ALPK2: variants seen among roughly 807,000 people sequenced by gnomAD.
ALPK2 encodes the protein alpha kinase 2, also known as alpha-protein kinase 2.
ALPK2 carries 127 observed loss-of-function variants against 163.1 expected under a neutral mutation model. That is an observed-to-expected ratio of 0.78 (90% CI 0.67 to 0.90). ALPK2 has a LOEUF of 0.90. ALPK2 is among the 40% of genes least tolerant of loss of function. The probability of loss-of-function intolerance (pLI) is 0.00; values close to 1 mark genes in which losing one functional copy is unlikely to be tolerated. For synonymous variants in ALPK2, 953 were observed against 959.1 expected, an observed-to-expected ratio of 0.99 and a Z score of 0.12; for missense variants, 2,360 against 2,589.6, an observed-to-expected ratio of 0.91 and a Z score of 1.92.
chr18:58,514,745 T>C (rs762913630), intron 10 of ALPK2, among the ~76,000 whole-genome samples: 2 of 151,342 alleles, frequency 1.3e-5, no homozygotes, highest in Non-Finnish European at 2.9e-5. Flanking sequence ...CATACACCCA[T>C]CCATCCATCC....
chr18:58,560,415 C>T (rs1274646441), intron 4 of ALPK2, among the ~76,000 whole-genome samples: 1 of 152,160 alleles, frequency 6.6e-6, no homozygotes, highest in Non-Finnish European at 1.5e-5. Context: ...GGAGAGAATC[C>T]CCTCTGTCCA....
At chr18:58,522,290 C>T (rs2051558990) in intron 8 of ALPK2, among the ~76,000 whole-genome samples, 1 of 152,152 alleles carries the variant, frequency 6.6e-6, no homozygotes, top group African/African-American at 2.4e-5. Context: ...AGAGTGGCCA[C>T]ACTGAGAGTA....
chr18:58,618,150 A>G (rs566372968), intron 1 of ALPK2, among the ~76,000 whole-genome samples: 2 of 152,204 alleles, frequency 1.3e-5, no homozygotes, highest in African/African-American at 4.8e-5. Flanking sequence ...GGTTCAAGTG[A>G]CTCTCCTGCC....
chr18:58,525,164 T>G (rs2051577994), intron 6 of ALPK2, among the ~76,000 whole-genome samples: 3 of 152,202 alleles, frequency 2.0e-5, no homozygotes, highest in Admixed American at 6.5e-5. Context: ...TGTTCATTAT[T>G]GGTTGGTTTT....
At chr18:58,624,881 C>A (rs1307924577) in intron 1 of ALPK2, among the ~76,000 whole-genome samples, 1 of 152,180 alleles carries the variant, frequency 6.6e-6, no homozygotes, top group Admixed American at 6.5e-5. Flanking sequence ...AATCAAGTTA[C>A]CGACAGAAGT....
chr18:58,558,545 C>T (rs1026360686), intron 4 of ALPK2, among the ~76,000 whole-genome samples: 1 of 152,196 alleles, frequency 6.6e-6, no homozygotes, highest in Non-Finnish European at 1.5e-5. Flanking sequence ...GGTTACACAT[C>T]GAGTTACCCA....
Position 58,586,540 on chromosome 18 carries a change from C to T in ALPK2, c.228-5992G>A, listed in dbSNP as rs1000639284. On this transcript the variant is annotated intron_variant, in intron 3 of 12. Transcript: ENST00000361673. ...CCAGCTCCACAGTAGTCTTGAAAAC[C>T]AAGACTCCACAACCACAGTGAAAAC... 2.0e-5 allele frequency among the ~76,000 whole-genome samples: 3 copies of T among 152,190 alleles called. No homozygotes were observed. In the East Asian group the frequency reaches 5.8e-4, roughly 29 times the overall value.
At chr18:58,611,884 C>T (rs1215733482) in intron 1 of ALPK2, 67 bp from the exon 2 acceptor site, 1 of 1,056,984 alleles carries the variant, frequency 9.5e-7, no homozygotes, top group Non-Finnish European at 1.4e-6. Flanking sequence ...CTTAGGAATT[C>T]CAGAAACCAC....
chr18:58,519,398 T>C (rs576956714), intron 8 of ALPK2, among the ~76,000 whole-genome samples: 11 of 152,270 alleles, frequency 7.2e-5, no homozygotes, highest in African/African-American at 2.6e-4. Flanking sequence ...CCAATAAACA[T>C]GTATTATATC....
chr18:58,580,517 T>G lies in ALPK2; in HGVS notation c.259A>C (p.Ile87Leu). The stretch of plus-strand genomic sequence containing the variant: ...ATTCCAAAAGAGTTTTTAGCCGAGA[T>G]TTGATAGACAGCAGCATCATTTTTG... ...CTKNDAAVYQISAKNSFGMIC... is the reference protein window; with the variant it reads ...CTKNDAAVYQLSAKNSFGMIC... The change falls in exon 4 of 13, where the codon ATC becomes CTC. Residue 87 changes from isoleucine (I) to leucine (L), a missense_variant. Transcript: ENST00000361673. The G allele has an allele frequency of 6.2e-7, 1 of 1,613,958 alleles. No individual in the cohort carries two copies. The highest frequency in any genetic ancestry group is 8.5e-7 in the Non-Finnish European group (1 of 1,179,860).
At chr18:58,513,739 G>T (rs955262464) in intron 10 of ALPK2, among the ~76,000 whole-genome samples, 1 of 152,138 alleles carries the variant, frequency 6.6e-6, no homozygotes, top group African/African-American at 2.4e-5. Flanking sequence ...AATTAGCCAG[G>T]TGTGGTGGTG....
At chr18:58,494,935 A>G (rs894689489) in intron 12 of ALPK2, among the ~76,000 whole-genome samples, 2 of 152,030 alleles carry the variant, frequency 1.3e-5, no homozygotes, top group African/African-American at 4.8e-5. Context: ...AACTTTTTCA[A>G]TTGTGCCTCG....
intron 8 of ALPK2, among the ~76,000 whole-genome samples, chr18:58,521,994 TTTGA>T (rs1267490096): frequency 6.6e-6 from 1 of 152,182 alleles, no homozygotes; most frequent in Non-Finnish European, 1.5e-5. Flanking sequence ...GTGACTGCAT[TTTGA>T]TTACTTTTAT....
Position 58,573,272 on chromosome 18 carries a change from A to ATATATGTGTATATATGTGTATATG in ALPK2, c.1962+5541_1962+5542insCATATACACATATATACACATATA, listed in dbSNP as rs1178380376. On this transcript the variant is annotated intron_variant, in intron 4 of 12. Transcript: ENST00000361673. ...TATATATGTATATATGTGTATATAT[A>ATATATGTGTATATATGTGTATATG]TGTATATATGTGTATATATGTATAT... Among the ~76,000 whole-genome samples the ATATATGTGTATATATGTGTATATG allele has an allele frequency of 2.3e-5, 3 of 132,502 alleles. 1 individual carries two copies. Among genetic ancestry groups the ATATATGTGTATATATGTGTATATG allele is most frequent in the African/African-American group, 5.7e-5 (2 of 35,002 alleles). 86.9% of individuals were successfully genotyped at this position (132,502 alleles called of 152,430 possible).
chr18:58,539,864 C>G (rs1038898540), intron 4 of ALPK2, among the ~76,000 whole-genome samples: 3 of 152,212 alleles, frequency 2.0e-5, no homozygotes, highest in Non-Finnish European at 4.4e-5. Context: ...TTCCACACTT[C>G]CCCCAGGCTG....
intron 9 of ALPK2, among the ~76,000 whole-genome samples, 200 bp downstream of exon 9, chr18:58,516,708 C>CCCAGTAGCTGGGGACTGGTTACCCTTATG (rs1210410928): frequency 2.8e-4 from 43 of 152,266 alleles, no homozygotes; most frequent in Non-Finnish European, 5.4e-4. Context: ...TGGCTGAGTC[C>CCCAGTAGCTGGGGACTGGTTACCCTTATG]CCAGTAGCTG....
chr18:58,613,552 G>T (rs1424529785), intron 1 of ALPK2, among the ~76,000 whole-genome samples: 1 of 151,862 alleles, frequency 6.6e-6, no homozygotes, highest in African/African-American at 2.4e-5. Context: ...AATTAGCTGG[G>T]CATGGTGACT....
At chr18:58,568,605 C>T (rs970675290) in intron 4 of ALPK2, among the ~76,000 whole-genome samples, 1 of 152,108 alleles carries the variant, frequency 6.6e-6, no homozygotes, top group Non-Finnish European at 1.5e-5. Flanking sequence ...CCTCTGTATC[C>T]GTGGGTTTTA....
intron 8 of ALPK2, among the ~76,000 whole-genome samples, chr18:58,521,627 C>CTCTTT (rs59358600): frequency 9.2e-4 from 51 of 55,380 alleles, no homozygotes; most frequent in Admixed American, 2.3e-3. Context: ...TTCTCTCTCT[C>CTCTTT]TTTTTTTTTT....
Sources: allele counts gnomAD v4.1 joint callset (sites outside exome capture counted in the v4.1 genomes callset), GRCh38; gene constraint gnomAD v4.1.1; transcripts MANE v1.5; gene names NCBI Gene and HGNC (gene_info 2026-07-23, HGNC 2026-07-21).